ERBIN: variants seen among roughly 807,000 people sequenced by gnomAD.
The protein encoded by ERBIN is densin-180-like protein.
Under a neutral mutation model 158.4 loss-of-function variants are expected in ERBIN, and 60 were observed. That is an observed-to-expected ratio of 0.38 (90% CI 0.31 to 0.47). The LOEUF (loss-of-function observed/expected upper bound fraction) is 0.47. ERBIN is among the 20% of genes least tolerant of loss of function. The pLI is 0.99. For synonymous variants in ERBIN, 594 were observed against 557.2 expected (o/e 1.07, Z -0.93); for missense variants, 1,610 against 1,648.0 (o/e 0.98, Z 0.40).
In ERBIN at chr5:66,050,631, A is replaced by C. The variant is rs1758925030; in HGVS notation, c.1904-152A>C. ...AAAATTATTTAATCTTTGTATTAGG[A>C]CTGAATTTTCAGGGGTGCTTCCAAT... On this transcript the variant is annotated intron_variant, in intron 19 of 25. Coordinates refer to ENST00000284037, the MANE Select transcript of ERBIN (RefSeq NM_001253697.2). The C allele has an allele frequency of 1.1e-5, 5 of 469,748 alleles. No individual in the cohort carries two copies. In the East Asian group the frequency reaches 1.4e-4, roughly 13 times the overall value. 29.1% of individuals were successfully genotyped at this position (469,748 alleles called of 1,614,324 possible). A position where few individuals can be genotyped will look rare whatever the true frequency, so the allele number is the denominator to read the frequency against.
chr5:66,078,307 G>A (rs922640594), intron 25 of ERBIN, 116 bp from the exon 26 acceptor site: 8 of 677,212 alleles, frequency 1.2e-5, no homozygotes, highest in East Asian at 9.2e-5. Flanking sequence ...GAATCTGTAT[G>A]TTATTTTAAG....
chr5:65,940,421 G>T (rs1744743584), intron 1 of ERBIN, among the ~76,000 whole-genome samples: 1 of 142,006 alleles, frequency 7.0e-6, no homozygotes, highest in African/African-American at 2.9e-5. Context: ...GAGGTGGGGG[G>T]GTCAGCCCCC....
chr5:66,023,424 G>A, intron 9 of ERBIN, 60 bp downstream of exon 9: 1 of 1,010,860 alleles, frequency 9.9e-7, no homozygotes, highest in Non-Finnish European at 1.5e-6. Flanking sequence ...GCAGTTTTGT[G>A]AATTGTACCT....
intron 1 of ERBIN, among the ~76,000 whole-genome samples, chr5:65,941,248 C>T (rs1458461531): frequency 1.3e-5 from 2 of 151,448 alleles, no homozygotes; most frequent in African/African-American, 2.4e-5. Context: ...TGCTGACCCT[C>T]CCTCCACTAT....
At chr5:65,959,185 C>T (rs1374478250) in intron 1 of ERBIN, among the ~76,000 whole-genome samples, 1 of 151,970 alleles carries the variant, frequency 6.6e-6, no homozygotes, top group Middle Eastern at 3.4e-3. Flanking sequence ...CGTGGTGTTA[C>T]CAGTTTTTTT....
intron 1 of ERBIN, among the ~76,000 whole-genome samples, chr5:65,967,844 C>G (rs1158260891): frequency 1.3e-5 from 2 of 152,176 alleles, no homozygotes; most frequent in Non-Finnish European, 2.9e-5. Context: ...GGTTCTTGCT[C>G]AAATTCTTAC....
At chr5:66,050,338 G>A (rs1447243626) in intron 19 of ERBIN, among the ~76,000 whole-genome samples, 1 of 12,912 alleles carries the variant, frequency 7.7e-5, no homozygotes, top group Admixed American at 4.8e-4. Flanking sequence ...TCCGCCTCCC[G>A]GGTTCACGCC....
chr5:65,982,176 G>A (rs964760936), intron 1 of ERBIN, among the ~76,000 whole-genome samples: 2 of 152,182 alleles, frequency 1.3e-5, no homozygotes, highest in African/African-American at 4.8e-5. Context: ...TCTTCACAGG[G>A]TGACATACTG....
chr5:66,016,303 T>C (rs1237880692), intron 7 of ERBIN, among the ~76,000 whole-genome samples: 1 of 152,232 alleles, frequency 6.6e-6, no homozygotes, highest in East Asian at 1.9e-4. Flanking sequence ...GTAAATTGTT[T>C]ACTGTGATAG....
chr5:66,021,234 A>C, intron 7 of ERBIN, 88 bp from the exon 8 acceptor site: 1 of 696,838 alleles, frequency 1.4e-6, no homozygotes, highest in Non-Finnish European at 2.4e-6. Context: ...ATAATTACCT[A>C]TTCCATAAGA....
intron 4 of ERBIN, among the ~76,000 whole-genome samples, chr5:65,995,763 G>T (rs894925048): frequency 6.6e-6 from 1 of 151,968 alleles, no homozygotes; most frequent in African/African-American, 2.4e-5. Flanking sequence ...CCCTTTTCTC[G>T]ACACCCTCAT....
intron 8 of ERBIN, among the ~76,000 whole-genome samples, chr5:66,022,143 T>C (rs1244761770): frequency 6.6e-6 from 1 of 152,096 alleles, no homozygotes; most frequent in African/African-American, 2.4e-5. Flanking sequence ...ATATTAATAT[T>C]ATAAATTTCA....
intron 17 of ERBIN, among the ~76,000 whole-genome samples, chr5:66,045,002 G>A (rs1006086717): frequency 2.0e-5 from 3 of 151,982 alleles, no homozygotes; most frequent in Admixed American, 2.0e-4. Context: ...GTCACTGGAG[G>A]CCAGGAGTTC....
At chr5:66,073,946 A>G (rs779607565) in intron 22 of ERBIN, among the ~76,000 whole-genome samples, 1 of 151,846 alleles carries the variant, frequency 6.6e-6, no homozygotes, top group Non-Finnish European at 1.5e-5. Context: ...TGGCATGCTC[A>G]TAGCTCACTG....
intron 24 of ERBIN, 60 bp downstream of exon 24, chr5:66,076,468 T>A (rs1761993759): frequency 3.2e-6 from 4 of 1,252,620 alleles, no homozygotes; most frequent in Admixed American, 1.9e-5. Flanking sequence ...GATTGAATAC[T>A]TAAATGTAAG....
intron 21 of ERBIN, chr5:66,069,169 C>A: frequency 3.0e-6 from 2 of 677,862 alleles, no homozygotes; most frequent in Non-Finnish European, 4.5e-6. Context: ...AGTTCTAAAT[C>A]TTTCTTCAGA....
At chr5:65,947,083 A>G (rs1745851955) in intron 1 of ERBIN, among the ~76,000 whole-genome samples, 1 of 152,154 alleles carries the variant, frequency 6.6e-6, no homozygotes, top group Non-Finnish European at 1.5e-5. Context: ...CTTTTGCAGA[A>G]CAAAAGCTTT....
intron 4 of ERBIN, among the ~76,000 whole-genome samples, chr5:65,995,891 T>C (rs747101282): frequency 2.6e-5 from 4 of 152,224 alleles, no homozygotes; most frequent in Non-Finnish European, 5.9e-5. Flanking sequence ...ATATACCTGT[T>C]GGTGATTTGT....
intron 21 of ERBIN, among the ~76,000 whole-genome samples, chr5:66,060,535 C>T (rs566093887): frequency 1.3e-5 from 2 of 152,200 alleles, no homozygotes; most frequent in East Asian, 1.9e-4. Flanking sequence ...GTGTCTCTAT[C>T]TCCTTCAGTT....
Sources: allele counts gnomAD v4.1 joint callset (sites outside exome capture counted in the v4.1 genomes callset), GRCh38; gene constraint gnomAD v4.1.1; transcripts MANE v1.5; gene names NCBI Gene and HGNC (gene_info 2026-07-23, HGNC 2026-07-21).